The following DLGAP1 variants were observed in gnomAD, a reference collection of about 807,000 sequenced individuals.
DLGAP1 encodes DLG associated protein 1.
In DLGAP1, 11 loss-of-function variants were observed where a neutral mutation model predicts 90.8. That is an observed-to-expected ratio of 0.12 (90% confidence interval 0.08 to 0.20). The LOEUF is 0.20. Among genes scored for constraint, DLGAP1 ranks in the 10% least tolerant of loss-of-function variants. The probability of loss-of-function intolerance (pLI) is 1.00; values close to 1 mark genes in which losing one functional copy is unlikely to be tolerated. For synonymous variants in DLGAP1, 558 were observed against 540.7 expected (o/e 1.03, Z -0.44); for missense variants, 1,050 against 1,333.8 (o/e 0.79, Z 3.31).
At chr18:3,520,586 C>T (rs1318622255) in intron 10 of DLGAP1, among the ~76,000 whole-genome samples, 1 of 152,154 alleles carries the variant, frequency 6.6e-6, no homozygotes, top group Non-Finnish European at 1.5e-5. Flanking sequence ...GATGAGAACA[C>T]AGACACACAC....
chr18:4,403,374 A>T (rs1185826835), intron 1 of DLGAP1, among the ~76,000 whole-genome samples: 1 of 152,226 alleles, frequency 6.6e-6, no homozygotes, highest in Non-Finnish European at 1.5e-5. Flanking sequence ...CATAATGAAA[A>T]TTCTACTTAT....
chr18:3,766,586 A>G (rs1159556964), intron 5 of DLGAP1, among the ~76,000 whole-genome samples: 2 of 152,126 alleles, frequency 1.3e-5, no homozygotes, highest in Non-Finnish European at 2.9e-5. Context: ...ATAAAAAAAA[A>G]CTCAACAAAC....
intron 5 of DLGAP1, among the ~76,000 whole-genome samples, chr18:3,768,237 T>G (rs888149990): frequency 1.3e-5 from 2 of 152,150 alleles, no homozygotes; most frequent in Non-Finnish European, 2.9e-5. Flanking sequence ...GGTGTAAATC[T>G]AACAAAATAT....
chr18:3,741,208 CCACCACCACCACATCACCAT>C (rs2062990224), intron 6 of DLGAP1, among the ~76,000 whole-genome samples: 1 of 121,852 alleles, frequency 8.2e-6, no homozygotes. Context: ...CAAATCACCA[CCACCACCACCACATCACCAT>C]CACCACCACC....
intron 3 of DLGAP1, among the ~76,000 whole-genome samples, chr18:3,944,763 T>C (rs763336650): frequency 1.3e-5 from 2 of 152,198 alleles, no homozygotes; most frequent in Non-Finnish European, 2.9e-5. Context: ...CACTACTTTG[T>C]TGAGAGTTCC....
chr18:3,622,818 T>C (rs1449480393), intron 7 of DLGAP1, among the ~76,000 whole-genome samples: 1 of 152,174 alleles, frequency 6.6e-6, no homozygotes, highest in Non-Finnish European at 1.5e-5. Flanking sequence ...TTTTTCTTTT[T>C]TTTTGAGATA....
chr18:3,983,206 G>A (rs1192657811), intron 3 of DLGAP1: 1 of 151,948 alleles, frequency 6.6e-6, no homozygotes, highest in Non-Finnish European at 1.5e-5. Context: ...AAGAATGTAA[G>A]GGTTATCCAT....
chr18:3,908,260 T>G (rs73940274), intron 3 of DLGAP1, among the ~76,000 whole-genome samples: 2 of 152,182 alleles, frequency 1.3e-5, no homozygotes, highest in Non-Finnish European at 2.9e-5. Flanking sequence ...GAGGGATATA[T>G]GCATGATTAT....
intron 1 of DLGAP1, among the ~76,000 whole-genome samples, chr18:4,198,561 C>T (rs1347819946): frequency 3.3e-5 from 5 of 152,154 alleles, no homozygotes; most frequent in African/African-American, 4.8e-5. Context: ...TTAGGATGGT[C>T]ATCGATAATA....
At chr18:4,191,664 C>G (rs988301194) in intron 1 of DLGAP1, among the ~76,000 whole-genome samples, 7 of 152,164 alleles carry the variant, frequency 4.6e-5, no homozygotes, top group Non-Finnish European at 8.8e-5. Context: ...TTACTCTTTT[C>G]TCCCCTCCTC....
chr18:3,945,105 C>T (rs1338585505), intron 3 of DLGAP1, among the ~76,000 whole-genome samples: 1 of 152,190 alleles, frequency 6.6e-6, no homozygotes, highest in African/African-American at 2.4e-5. Context: ...ATCCCACATG[C>T]TCTTAACTAA....
chr18:3,850,376 A>C (rs189269713), intron 4 of DLGAP1, among the ~76,000 whole-genome samples: 1 of 151,634 alleles, frequency 6.6e-6, no homozygotes, highest in Non-Finnish European at 1.5e-5. Flanking sequence ...TGGGTGACAG[A>C]GCAAGACTCC....
chr18:3,693,710 T>A (rs1225611949), intron 7 of DLGAP1, among the ~76,000 whole-genome samples: 1 of 152,182 alleles, frequency 6.6e-6, no homozygotes, highest in African/African-American at 2.4e-5. Context: ...CCAATACACT[T>A]AAAATGGAAG....
chr18:3,977,434 G>GGTTTTT lies in DLGAP1; in HGVS notation c.-73+27681_-73+27682insAAAAAC, dbSNP rs767760816. ...AGTTAATGAATTATGTTTATTCTGT[G>GGTTTTT]TTTTTTTTTTTTTTTTTTTTGCTGA... On this transcript the variant is annotated intron_variant, in intron 3 of 12. Transcript: ENST00000315677. Among the ~76,000 whole-genome samples, 12 of 95,330 alleles carry GGTTTTT rather than the reference G, an allele frequency of 1.3e-4. 1 individual carries two copies. The highest frequency in any genetic ancestry group is 2.1e-4 in the African/African-American group (5 of 23,942). The allele number at this position is 95,330 out of a possible 152,430, so 62.5% of individuals were successfully genotyped here. A position where few individuals can be genotyped will look rare whatever the true frequency, so the allele number is the denominator to read the frequency against.
intron 4 of DLGAP1, among the ~76,000 whole-genome samples, chr18:3,826,176 G>T (rs576667445): frequency 1.3e-5 from 2 of 152,078 alleles, no homozygotes; most frequent in African/African-American, 2.4e-5. Context: ...TGAGTACTAT[G>T]TTCATTATTT....
At chr18:4,449,142 G>C (rs1307227279) in intron 1 of DLGAP1, among the ~76,000 whole-genome samples, 1 of 152,206 alleles carries the variant, frequency 6.6e-6, no homozygotes, top group Non-Finnish European at 1.5e-5. Flanking sequence ...AATGTAAGAG[G>C]TGAGGGGTAG....
rs73372562 is a variant in DLGAP1 at position 3,809,105 on chromosome 18, G to A, written c.1172+4954C>T. Among the ~76,000 whole-genome samples the A allele has an allele frequency of 1.5e-3, 235 of 152,270 alleles. 1 individual carries two copies. The highest frequency in any genetic ancestry group is 5.3e-3 in the African/African-American group (219 of 41,556). Reference sequence around the variant, plus strand: ...ATAGCACCTGTGGGCATCTCGGATCGATGAATCATGGTGGCTGGAGCACTG... The same window carrying A: ...ATAGCACCTGTGGGCATCTCGGATCAATGAATCATGGTGGCTGGAGCACTG... On this transcript the variant is annotated intron_variant, in intron 5 of 12. Coordinates refer to ENST00000315677, the MANE Select transcript of DLGAP1 (RefSeq NM_004746.4).
intron 6 of DLGAP1, among the ~76,000 whole-genome samples, chr18:3,741,787 T>C (rs537330724): frequency 6.6e-6 from 1 of 152,356 alleles, no homozygotes; most frequent in South Asian, 2.1e-4. Flanking sequence ...AGTTATCCTA[T>C]GTCAAAGTTA....
intron 3 of DLGAP1, among the ~76,000 whole-genome samples, chr18:4,002,886 A>C (rs541476672): frequency 2.6e-5 from 4 of 152,174 alleles, no homozygotes; most frequent in African/African-American, 7.2e-5. Context: ...CCAGGTCTCT[A>C]TCTCTCTCTC....
Sources: gnomAD v4.1 joint callset for allele counts (sites outside exome capture counted in the v4.1 genomes callset) on GRCh38, gnomAD v4.1.1 for gene constraint, MANE v1.5 for transcripts, NCBI Gene and HGNC (gene_info 2026-07-23, HGNC 2026-07-21) for gene names.